VWF: variants seen among roughly 807,000 people sequenced by gnomAD.
VWF encodes von Willebrand factor.
A neutral mutation model predicts 308.6 loss-of-function variants in VWF; 176 were observed. The ratio of observed to expected loss-of-function variants is 0.57; its 90% CI spans 0.50 to 0.65. The LOEUF (loss-of-function observed/expected upper bound fraction) is 0.65, where lower values mean the gene tolerates loss of function less well. Among genes scored for constraint, VWF ranks in the 30% least tolerant of loss-of-function variants. The probability of loss-of-function intolerance (pLI) is 0.00; values close to 1 mark genes in which losing one functional copy is unlikely to be tolerated. For missense variants in VWF, 3,146 were observed against 3,648.2 expected, an observed-to-expected ratio of 0.86 and a Z score of 3.55; for synonymous variants, 1,385 against 1,443.4, an observed-to-expected ratio of 0.96 and a Z score of 0.92.
In VWF at chr12:6,034,805, C is replaced by G. The variant is rs768410690; in HGVS notation, c.2568G>C (p.Trp856Cys). The G allele has an allele frequency of 6.2e-7, 1 of 1,614,222 alleles. No homozygotes were observed. The highest frequency in any genetic ancestry group is 8.5e-7 in the Non-Finnish European group (1 of 1,180,040). ...CNTCVCQDRK[W>C]NCTDHVCDAT... ...CATCACACACATGGTCTGTGCAGTT[C>G]CACTTCCGGTCCTGACAGACACTAG... Residue 856 changes from tryptophan to cysteine, a missense_variant, in exon 20 of 52, where the codon TGG (tryptophan) becomes TGC (cysteine). Transcript: ENST00000261405.
chr12:6,018,237 A>C (rs1438986055), intron 28 of VWF, 128 bp downstream of exon 28: 3 of 1,192,546 alleles, frequency 2.5e-6, no homozygotes, highest in Non-Finnish European at 3.5e-6. Flanking sequence ...GGCAAGTTTC[A>C]ACCAAGGCCA....
intron 41 of VWF, 146 bp from the exon 42 acceptor site, chr12:5,982,137 T>G (rs901932784): frequency 1.4e-6 from 1 of 717,360 alleles, no homozygotes; most frequent in African/African-American, 1.8e-5. Context: ...TGGGAGTTAT[T>G]CAATGTTACC....
Position 5,983,794 on chromosome 12 carries a change from G to GATAGATAGATAGAT in VWF, c.6977-541_6977-540insATCTATCTATCTAT, listed in dbSNP as rs1555191860. Among the ~76,000 whole-genome samples the GATAGATAGATAGAT allele has an allele frequency of 3.4e-5, 5 of 148,780 alleles. No individual in the cohort carries two copies. The South Asian group carries it at 8.7e-4, about 26-fold the overall frequency. On this transcript the variant is annotated intron_variant, in intron 40 of 51. Coordinates refer to ENST00000261405, the MANE Select transcript of VWF (RefSeq NM_000552.5). ...ATAGGATAGATAACTAGATACAATA[G>GATAGATAGATAGAT]AGATAGATAGATAGATAGATAGATG...
chr12:6,013,301 G>A (rs1944018429), intron 32 of VWF, among the ~76,000 whole-genome samples, 180 bp downstream of exon 32: 1 of 152,206 alleles, frequency 6.6e-6, no homozygotes, highest in Non-Finnish European at 1.5e-5. Context: ...ATGGGGGCTT[G>A]TGGTATACAC....
At chr12:6,056,147 G>A (rs927754553) in intron 15 of VWF, among the ~76,000 whole-genome samples, 1 of 147,288 alleles carries the variant, frequency 6.8e-6, no homozygotes, top group East Asian at 2.0e-4. Context: ...CTTTCACTTA[G>A]TAGGATAGGT....
chr12:5,998,367 G>A (rs1056069988), intron 34 of VWF, among the ~76,000 whole-genome samples: 9 of 148,882 alleles, frequency 6.0e-5, no homozygotes, highest in Non-Finnish European at 8.9e-5. Context: ...GCATGGTGGC[G>A]GGCACCTGTA....
chr12:6,083,500 G>GT (rs1944937078), intron 6 of VWF, among the ~76,000 whole-genome samples: 1 of 152,248 alleles, frequency 6.6e-6, no homozygotes, highest in Non-Finnish European at 1.5e-5. Flanking sequence ...GGGAGGCAGA[G>GT]GTTGCAGTGA....
intron 51 of VWF, 151 bp from the exon 52 acceptor site, chr12:5,949,354 G>A: frequency 1.3e-6 from 1 of 760,388 alleles, no homozygotes; most frequent in Non-Finnish European, 2.3e-6. Context: ...TAGGCAATTT[G>A]TAAAGGAAGA....
rs1228730060 is a variant in VWF at position 5,949,230 on chromosome 12, G to T, written c.8254-27C>A. On this transcript the variant is annotated intron_variant, in intron 51 of 51. Coordinates refer to ENST00000261405, the MANE Select transcript of VWF (RefSeq NM_000552.5). ...TGCAAGAAAGCAGAGGAAGATGGGAGCTTCACAATGGTGGGAAGTCCTGGC... is the reference window on the plus strand; with the variant it reads ...TGCAAGAAAGCAGAGGAAGATGGGATCTTCACAATGGTGGGAAGTCCTGGC... 2 of 1,609,660 alleles carry T rather than the reference G, an allele frequency of 1.2e-6. 1 individual carries two copies. Among genetic ancestry groups the T allele is most frequent in the Non-Finnish European group, 1.7e-6 (2 of 1,178,738 alleles).
At chr12:6,083,633 G>A (rs1054474150) in intron 6 of VWF, among the ~76,000 whole-genome samples, 6 of 152,186 alleles carry the variant, frequency 3.9e-5, no homozygotes, top group African/African-American at 1.4e-4. Context: ...TGTGAAAGAG[G>A]GGAAAAGTGG....
intron 3 of VWF, among the ~76,000 whole-genome samples, chr12:6,112,604 A>C (rs1171458406): frequency 6.6e-6 from 1 of 152,194 alleles, no homozygotes; most frequent in Non-Finnish European, 1.5e-5. Context: ...TTCTCCTAGA[A>C]GGGATAGGGG....
intron 17 of VWF, among the ~76,000 whole-genome samples, chr12:6,045,530 GAC>G (rs1472970367): frequency 1.3e-5 from 2 of 152,230 alleles, no homozygotes; most frequent in Non-Finnish European, 2.9e-5. Flanking sequence ...GACAGAAGAA[GAC>G]ACAGAAGGAT....
chr12:6,047,336 T>TG, intron 16 of VWF, among the ~76,000 whole-genome samples: 1 of 152,318 alleles, frequency 6.6e-6, no homozygotes, highest in South Asian at 2.1e-4. Context: ...ACTAATGTAG[T>TG]GAGTCTCAAA....
At position 5,971,447 on chromosome 12, in the gene VWF, C is replaced by T. The variant is rs576284728; in HGVS notation, c.7548+152G>A. On this transcript the variant is annotated intron_variant, in intron 44 of 51. Coordinates refer to ENST00000261405, the MANE Select transcript of VWF (RefSeq NM_000552.5). ...CTTAACTGGTTCCTAAGGGGCAGGT[C>T]ATCCCAGCTGGCATCTGGATAACAC... 94 of 677,372 alleles carry T rather than the reference C, an allele frequency of 1.4e-4. 1 individual carries two copies. The South Asian group carries it at 1.6e-3, about 11-fold the overall frequency. The allele number at this position is 677,372 out of a possible 1,614,324, so 42.0% of individuals were successfully genotyped here.
intron 47 of VWF, among the ~76,000 whole-genome samples, chr12:5,964,221 T>C (rs1425843960): frequency 7.5e-6 from 1 of 133,920 alleles, no homozygotes; most frequent in Non-Finnish European, 1.5e-5. Flanking sequence ...TGTCTAAAAA[T>C]ACATACATAC....
At chr12:5,966,856 G>A (rs966472605) in intron 47 of VWF, among the ~76,000 whole-genome samples, 3 of 152,216 alleles carry the variant, frequency 2.0e-5, no homozygotes, top group African/African-American at 4.8e-5. Flanking sequence ...CTGCCCTGCC[G>A]CCATGGGCTC....
At chr12:5,985,435 C>T (rs1943668541) in intron 39 of VWF, 128 bp downstream of exon 39, 1 of 1,086,410 alleles carries the variant, frequency 9.2e-7, no homozygotes, top group African/African-American at 1.6e-5. Context: ...GCAAGGAAGC[C>T]CACCCACTCT....
chr12:6,061,889 T>C (rs1944658515), intron 13 of VWF, among the ~76,000 whole-genome samples: 2 of 152,262 alleles, frequency 1.3e-5, no homozygotes, highest in Non-Finnish European at 2.9e-5. Context: ...GCAGTAGATA[T>C]GAGAACCCAG....
chr12:5,979,125 T>C lies in VWF; in HGVS notation c.7287+2661A>G, dbSNP rs1482210300. ...TAAAAACAAAAAACCTCTTTCGCTG[T>C]CCTTGACAGTTGCTAGAGCATCAAC... On this transcript the variant is annotated intron_variant, in intron 42 of 51. Coordinates refer to ENST00000261405, the MANE Select transcript of VWF (RefSeq NM_000552.5). 3.3e-5 allele frequency among the ~76,000 whole-genome samples: 5 copies of C among 152,366 alleles called. No individual in the cohort carries two copies. In the East Asian group the frequency reaches 7.7e-4, roughly 23 times the overall value.
Sources: gnomAD v4.1 joint callset for allele counts (sites outside exome capture counted in the v4.1 genomes callset) on GRCh38, gnomAD v4.1.1 for gene constraint, MANE v1.5 for transcripts, NCBI Gene and HGNC (gene_info 2026-07-23, HGNC 2026-07-21) for gene names.